Variants in GPC5 observed in about 807,000 individuals in gnomAD.
GPC5 encodes the protein glypican 5.
A neutral mutation model predicts 53.9 loss-of-function variants in GPC5; 47 were observed. The ratio of observed to expected loss-of-function variants is 0.87; its 90% confidence interval spans 0.69 to 1.11. The LOEUF is 1.11. Among genes scored for constraint, GPC5 ranks in the 50% most tolerant of loss-of-function variants. The pLI, the probability that GPC5 is intolerant of heterozygous loss-of-function variation, is 0.00. For missense variants in GPC5, 748 were observed against 713.1 expected (o/e 1.05, Z -0.56); for synonymous variants, 286 against 263.3 (o/e 1.09, Z -0.84).
intron 7 of GPC5, among the ~76,000 whole-genome samples, chr13:92,333,937 GCAAAACAAAA>G (rs532467445): frequency 3.9e-5 from 6 of 151,932 alleles, no homozygotes; most frequent in Non-Finnish European, 7.4e-5. Context: ...GAAATCCTAA[GCAAAACAAAA>G]CAAAACAAAA....
Position 92,866,417 on chromosome 13 carries a change from T to C in GPC5, c.1697T>C (p.Met566Thr). The change falls in exon 8 of 8, where the codon ATG becomes ACG. Residue 566 changes from methionine (M) to threonine (T), a missense_variant. By Grantham distance (81) the Met-to-Thr change is moderately conservative (BLOSUM62 -1). Transcript: ENST00000377067. ...ACATTCACTCTGATAAGTGTGGTGA[T>C]GTTACTTCCCGGGATTTGGTAACTG... is the stretch of plus-strand genomic sequence containing the variant. ...SMTFTLISVV[M>T]LLPGIW 1 of 1,605,730 alleles carries C rather than the reference T, an allele frequency of 6.2e-7. No homozygotes were observed. The highest frequency in any genetic ancestry group is 8.5e-7 in the Non-Finnish European group (1 of 1,175,010).
chr13:92,763,199 C>T (rs1435698735), intron 7 of GPC5, among the ~76,000 whole-genome samples: 1 of 152,142 alleles, frequency 6.6e-6, no homozygotes, highest in Non-Finnish European at 1.5e-5. Flanking sequence ...TGTGTCCCTA[C>T]ACTGATGTCT....
chr13:92,584,693 G>A (rs1883479892), intron 7 of GPC5, among the ~76,000 whole-genome samples: 2 of 152,140 alleles, frequency 1.3e-5, no homozygotes, highest in South Asian at 4.1e-4. Flanking sequence ...GGATGTCAGA[G>A]GTCTTCATGG....
intron 7 of GPC5, among the ~76,000 whole-genome samples, chr13:92,283,694 T>C (rs2042933042): frequency 2.6e-5 from 4 of 152,100 alleles, no homozygotes; most frequent in Non-Finnish European, 5.9e-5. Context: ...TTGAAACCAA[T>C]GAGAACAAAG....
intron 7 of GPC5, among the ~76,000 whole-genome samples, chr13:92,518,862 G>C (rs1477519727): frequency 2.0e-5 from 3 of 152,164 alleles, no homozygotes; most frequent in African/African-American, 7.2e-5. Flanking sequence ...AGACCCTTCA[G>C]TGTGCTGTAT....
At chr13:92,461,634 G>A (rs189988769) in intron 7 of GPC5, among the ~76,000 whole-genome samples, 1 of 152,170 alleles carries the variant, frequency 6.6e-6, no homozygotes, top group Non-Finnish European at 1.5e-5. Flanking sequence ...GGCAATAAGG[G>A]CTGAGCCCTC....
At chr13:92,558,258 G>A (rs1882568111) in intron 7 of GPC5, among the ~76,000 whole-genome samples, 1 of 151,886 alleles carries the variant, frequency 6.6e-6, no homozygotes, top group Non-Finnish European at 1.5e-5. Context: ...TATAGACTTG[G>A]ACTATAAATG....
chr13:91,898,268 T>A (rs2138981516), intron 5 of GPC5, among the ~76,000 whole-genome samples: 1 of 152,352 alleles, frequency 6.6e-6, no homozygotes, highest in South Asian at 2.1e-4. Flanking sequence ...TAAAGACTTA[T>A]AAATTTTGCT....
At chr13:91,816,039 T>C (rs2038394248) in intron 5 of GPC5, among the ~76,000 whole-genome samples, 1 of 152,158 alleles carries the variant, frequency 6.6e-6, no homozygotes, top group South Asian at 2.1e-4. Flanking sequence ...AGCTAAATAA[T>C]ATTATAAAAT....
At position 92,539,548 on chromosome 13, in the gene GPC5, C is replaced by A. The variant is rs535193304; in HGVS notation, c.1562-326734C>A. Among the ~76,000 whole-genome samples, 131 of 151,886 alleles carry A rather than the reference C, an allele frequency of 8.6e-4. 3 individuals carry two copies. Among genetic ancestry groups the A allele is most frequent in the African/African-American group, 2.9e-3 (121 of 41,462 alleles). On this transcript the variant is annotated intron_variant, in intron 7 of 7. Coordinates refer to ENST00000377067, the MANE Select transcript of GPC5 (RefSeq NM_004466.6). The stretch of plus-strand genomic sequence containing the variant: ...TTTTTCTTGTAAATTTGTTTAAGTT[C>A]TTTGTAGATTCTGGATATTAGCCAT...
intron 7 of GPC5, among the ~76,000 whole-genome samples, chr13:92,178,272 G>A (rs1205150443): frequency 6.6e-6 from 1 of 152,056 alleles, no homozygotes; most frequent in Admixed American, 6.6e-5. Context: ...ATCCTGAAAA[G>A]CATGTCAGCA....
rs111951429 is a variant in GPC5 at position 92,381,392 on chromosome 13, C to T, written c.1561+236403C>T. ...ATGAACATTAGAAAGGTCTGATTTGCATTTCCGTGATCATTAATGCTGATG... is the reference window on the plus strand; with the variant it reads ...ATGAACATTAGAAAGGTCTGATTTGTATTTCCGTGATCATTAATGCTGATG... On this transcript the variant is annotated intron_variant, in intron 7 of 7. Transcript: ENST00000377067. Among the ~76,000 whole-genome samples, 284 of 152,190 alleles carry T rather than the reference C, an allele frequency of 1.9e-3. 2 individuals carry two copies. The highest frequency in any genetic ancestry group is 6.6e-3 in the African/African-American group (273 of 41,538).
intron 2 of GPC5, among the ~76,000 whole-genome samples, chr13:91,624,701 A>C (rs910006345): frequency 6.6e-6 from 1 of 152,046 alleles, no homozygotes; most frequent in Admixed American, 6.6e-5. Flanking sequence ...AATAAAATAA[A>C]GTTAGTAATA....
At chr13:91,917,770 G>C (rs888223295) in intron 6 of GPC5, among the ~76,000 whole-genome samples, 4 of 152,116 alleles carry the variant, frequency 2.6e-5, no homozygotes, top group African/African-American at 9.7e-5. Context: ...CTCCACATGA[G>C]ACCACCTCAG....
At chr13:92,672,295 A>C (rs1177958774) in intron 7 of GPC5, among the ~76,000 whole-genome samples, 2 of 152,154 alleles carry the variant, frequency 1.3e-5, no homozygotes, top group African/African-American at 4.8e-5. Flanking sequence ...CTGTCTGTTC[A>C]TGATAATTAG....
chr13:92,553,617 C>T lies in GPC5; in HGVS notation c.1562-312665C>T, dbSNP rs142831839. On this transcript the variant is annotated intron_variant, in intron 7 of 7. Coordinates refer to ENST00000377067, the MANE Select transcript of GPC5 (RefSeq NM_004466.6). ...GTGGATATGCAGAATATATCGAAGC[C>T]GAGGGAACAGAGAGGAACTGTCTGA... Among the ~76,000 whole-genome samples, 7 of 151,954 alleles carry T rather than the reference C, an allele frequency of 4.6e-5. No individual in the cohort carries two copies. In the East Asian group the frequency reaches 1.2e-3, roughly 25 times the overall value.
intron 5 of GPC5, among the ~76,000 whole-genome samples, chr13:91,849,334 G>A (rs1307058084): frequency 2.0e-5 from 3 of 152,144 alleles, no homozygotes; most frequent in African/African-American, 4.8e-5. Context: ...CTGCTATATA[G>A]AGGCACTGCC....
chr13:92,356,728 G>A (rs1262505020), intron 7 of GPC5, among the ~76,000 whole-genome samples: 1 of 152,192 alleles, frequency 6.6e-6, no homozygotes, highest in Non-Finnish European at 1.5e-5. Flanking sequence ...TTTAGGTTTA[G>A]AGGTACATAT....
At chr13:91,926,080 T>G (rs1248093118) in intron 6 of GPC5, among the ~76,000 whole-genome samples, 2 of 151,878 alleles carry the variant, frequency 1.3e-5, no homozygotes, top group African/African-American at 4.8e-5. Context: ...CTATGCAAAA[T>G]AGCCGGGTGC....
Sources: gnomAD v4.1 joint callset for allele counts (sites outside exome capture counted in the v4.1 genomes callset) on GRCh38, gnomAD v4.1.1 for gene constraint, MANE v1.5 for transcripts, NCBI Gene and HGNC (gene_info 2026-07-23, HGNC 2026-07-21) for gene names.